Variants in EPS8 observed in about 807,000 individuals in gnomAD.
The protein encoded by EPS8 is EGFR pathway substrate 8, signaling adaptor, also known as epidermal growth factor receptor kinase substrate 8.
EPS8 carries 42 observed loss-of-function variants against 103.8 expected under a neutral mutation model. The ratio of observed to expected loss-of-function variants is 0.40; its 90% CI spans 0.32 to 0.52. EPS8 has a LOEUF of 0.52. EPS8 is among the 20% of genes least tolerant of loss of function. EPS8 has a pLI of 0.40. For synonymous variants in EPS8, 344 were observed against 344.6 expected (o/e 1.00, Z 0.02); for missense variants, 969 against 1,005.1 (o/e 0.96, Z 0.49).
At position 15,777,353 on chromosome 12, in the gene EPS8, C is replaced by G. The variant is rs1160734667; in HGVS notation, c.-22+11808G>C. On this transcript the variant is annotated intron_variant, in intron 1 of 20. Coordinates refer to ENST00000281172, the MANE Select transcript of EPS8 (RefSeq NM_004447.6). This position sits in a 1 kb window ranked among gnomAD's most constrained non-coding sequence, Gnocchi z 4.7. ...AATATATGACCAAAACCACAGTGGA[C>G]CTTTCTAATCAGTATAAAAACTGAA... Among the ~76,000 whole-genome samples, 2 of 151,986 alleles carry G rather than the reference C, an allele frequency of 1.3e-5. No homozygotes were observed. The highest frequency in any genetic ancestry group is 4.8e-5 in the African/African-American group (2 of 41,374).
chr12:15,780,497 C>CACACACAG lies in EPS8; in HGVS notation c.-22+8663_-22+8664insCTGTGTGT. 1 of 151,608 alleles carries CACACACAG rather than the reference C, an allele frequency of 6.6e-6. No homozygotes were observed. Among genetic ancestry groups the CACACACAG allele is most frequent in the East Asian group, 1.9e-4 (1 of 5,160 alleles). 9.4% of individuals were successfully genotyped at this position (151,608 alleles called of 1,614,324 possible). ...GCTGGGATAAACACACACACACACA[C>CACACACAG]ACACACACACACACACACACACACA... On this transcript the variant is annotated intron_variant, in intron 1 of 20. Coordinates refer to ENST00000281172, the MANE Select transcript of EPS8 (RefSeq NM_004447.6). This position sits in a 1 kb window ranked among gnomAD's most constrained non-coding sequence, Gnocchi z 4.1.
intron 1 of EPS8, among the ~76,000 whole-genome samples, chr12:15,755,640 T>C (rs895317358): frequency 2.6e-5 from 4 of 152,222 alleles, no homozygotes; most frequent in African/African-American, 7.2e-5. Context: ...GATCTCTTTC[T>C]ATGGGTTCCC....
rs752774580 is a variant in EPS8 at position 15,647,220 on chromosome 12, G to A, written c.1475C>T (p.Ala492Val). 10 of 1,613,540 alleles carry A rather than the reference G, an allele frequency of 6.2e-6. No homozygotes were observed. Among genetic ancestry groups the A allele is most frequent in the Non-Finnish European group, 7.6e-6 (9 of 1,179,612 alleles). ...VSEYHPADGY[A>V]FSSNIYTRGS... Reference sequence around the variant, plus strand: ...TCTTGTGTAAATGTTGCTACTGAACGCATAGCCATCGGCTGGATGATACTC... The same window carrying A: ...TCTTGTGTAAATGTTGCTACTGAACACATAGCCATCGGCTGGATGATACTC... Residue 492 changes from alanine to valine, a missense_variant, in exon 15 of 21, where the codon GCG becomes GTG. Physicochemically the swap from Ala to Val is moderately conservative, Grantham distance 64. Transcript: ENST00000281172.
chr12:15,732,038 G>T (rs533822158), intron 1 of EPS8, among the ~76,000 whole-genome samples: 3 of 152,254 alleles, frequency 2.0e-5, no homozygotes, highest in African/African-American at 4.8e-5. Flanking sequence ...CCTGAGAGTA[G>T]GTAAGTCTAA....
rs1308781497 is a variant in EPS8 at position 15,721,778 on chromosome 12, C to T, written c.-21-38806G>A. ...ACAGGATTTCTAGTGTTTCATTCAG[C>T]ACCAAATATCAGACTTTTTAAAATT... is the stretch of plus-strand genomic sequence containing the variant. On this transcript the variant is annotated intron_variant, in intron 1 of 20. Coordinates refer to ENST00000281172, the MANE Select transcript of EPS8 (RefSeq NM_004447.6). The surrounding 1 kb of genome is among the most constrained non-coding windows in gnomAD (Gnocchi z 4.4). 2.0e-5 allele frequency among the ~76,000 whole-genome samples: 3 copies of T among 151,882 alleles called. No individual in the cohort carries two copies. Among genetic ancestry groups the T allele is most frequent in the Non-Finnish European group, 4.4e-5 (3 of 67,972 alleles).
chr12:15,630,227 T>G (rs201188189), intron 18 of EPS8, among the ~76,000 whole-genome samples: 1 of 71,120 alleles, frequency 1.4e-5, no homozygotes, highest in Non-Finnish European at 3.6e-5. Context: ...CACACACACA[T>G]ACACACACAC....
chr12:15,737,614 CATTAA>C (rs1391105220), intron 1 of EPS8, among the ~76,000 whole-genome samples: 1 of 152,088 alleles, frequency 6.6e-6, no homozygotes, highest in Non-Finnish European at 1.5e-5. Context: ...GGCATGAAGA[CATTAA>C]ATTATTTGCC....
intron 1 of EPS8, among the ~76,000 whole-genome samples, chr12:15,756,750 T>A (rs1470593712): frequency 6.6e-6 from 1 of 152,202 alleles, no homozygotes; most frequent in Non-Finnish European, 1.5e-5. Flanking sequence ...ATTTGGAACA[T>A]GACAGATCTA....
chr12:15,678,043 G>T (rs1945939987), intron 3 of EPS8, among the ~76,000 whole-genome samples: 1 of 152,052 alleles, frequency 6.6e-6, no homozygotes, highest in East Asian at 1.9e-4. Context: ...TTTTTCCCAT[G>T]TGGCCGGATC....
At chr12:15,723,588 T>C (rs1946622197) in intron 1 of EPS8, among the ~76,000 whole-genome samples, 1 of 152,172 alleles carries the variant, frequency 6.6e-6, no homozygotes, top group South Asian at 2.1e-4. Context: ...CACTGTCAAG[T>C]TCTAATTTAA....
In EPS8 at chr12:15,658,057, T is replaced by C. The variant is rs780745853; in HGVS notation, c.1101+22A>G. The C allele has an allele frequency of 3.5e-6, 5 of 1,446,774 alleles. No homozygotes were observed. In the East Asian group the frequency reaches 9.1e-5, roughly 26 times the overall value. The allele number at this position is 1,446,774 out of a possible 1,614,324, so 89.6% of individuals were successfully genotyped here. A position where few individuals can be genotyped will look rare whatever the true frequency, so the allele number is the denominator to read the frequency against. ...AAAAAATATACTAAGAACGATTCTT[T>C]CTTAAACTAATAAAATCTCACCATA... On this transcript the variant is annotated intron_variant, in intron 12 of 20. Coordinates refer to ENST00000281172, the MANE Select transcript of EPS8 (RefSeq NM_004447.6).
At chr12:15,707,750 G>C (rs1320462374) in intron 1 of EPS8, among the ~76,000 whole-genome samples, 1 of 152,002 alleles carries the variant, frequency 6.6e-6, no homozygotes, top group Admixed American at 6.6e-5. Context: ...ATTTGATTAG[G>C]CTTTATGTAC....
chr12:15,734,014 A>AT lies in EPS8; in HGVS notation c.-21-51043dup, dbSNP rs2135997256. ...AGTGAGACCCTCAGCTAATTTTTGT[A>AT]TTTTTTGTAGAGAAAGGGTCTCTCC... On this transcript the variant is annotated intron_variant, in intron 1 of 20. Coordinates refer to ENST00000281172, the MANE Select transcript of EPS8 (RefSeq NM_004447.6). The surrounding 1 kb of genome is among the most constrained non-coding windows in gnomAD (Gnocchi z 4.1). Among the ~76,000 whole-genome samples, 1 of 151,980 alleles carries AT rather than the reference A, an allele frequency of 6.6e-6. No homozygotes were observed. Among genetic ancestry groups the AT allele is most frequent in the African/African-American group, 2.4e-5 (1 of 41,454 alleles).
chr12:15,707,605 G>A lies in EPS8; in HGVS notation c.-21-24633C>T, dbSNP rs192863438. 1.6e-4 allele frequency among the ~76,000 whole-genome samples: 24 copies of A among 150,932 alleles called. No individual in the cohort carries two copies. The East Asian group carries it at 2.5e-3, about 16-fold the overall frequency. ...AAAACAAATACAAATAAATCCTTCC[G>A]AAGTCTTCCTCTGGTATCGCCTTGC... On this transcript the variant is annotated intron_variant, in intron 1 of 20. Transcript: ENST00000281172.
Position 15,623,302 on chromosome 12 carries a change from AGG to A in EPS8, c.2226-17_2226-16del. The A allele has an allele frequency of 1.3e-6, 2 of 1,552,360 alleles. No individual in the cohort carries two copies. Among genetic ancestry groups the A allele is most frequent in the Non-Finnish European group, 1.7e-6 (2 of 1,148,372 alleles). On this transcript the variant is annotated splice_polypyrimidine_tract_variant and intron_variant, in intron 19 of 20. Coordinates refer to ENST00000281172, the MANE Select transcript of EPS8 (RefSeq NM_004447.6). ...TATTGACAGTCCTAAAAAAAAAAAAAGGAAAAAGAAACTGAGCATTAAAAATA... is the reference window on the plus strand; with the variant it reads ...TATTGACAGTCCTAAAAAAAAAAAAAAAAAAGAAACTGAGCATTAAAAATA...
intron 1 of EPS8, among the ~76,000 whole-genome samples, chr12:15,775,687 G>C (rs1269255251): frequency 6.6e-6 from 1 of 152,046 alleles, no homozygotes; most frequent in East Asian, 1.9e-4. Context: ...AAGTTTTTAT[G>C]CTTCTTTTCA....
At position 15,778,301 on chromosome 12, in the gene EPS8, C is replaced by T. The variant is rs535921942; in HGVS notation, c.-22+10860G>A. Among the ~76,000 whole-genome samples, 3 of 152,298 alleles carry T rather than the reference C, an allele frequency of 2.0e-5. No individual in the cohort carries two copies. The East Asian group carries it at 5.8e-4, about 29-fold the overall frequency. ...CATACGCATTAATCCCACACCTTTG[C>T]ATGCATGAGTATCATGTGAATAATG... On this transcript the variant is annotated intron_variant, in intron 1 of 20. Transcript: ENST00000281172. The surrounding 1 kb of genome is among the most constrained non-coding windows in gnomAD (Gnocchi z 4.5).
rs1055451412 is a variant in EPS8 at position 15,635,846 on chromosome 12, C to G, written c.1822-4182G>C. Among the ~76,000 whole-genome samples, 28 of 152,000 alleles carry G rather than the reference C, an allele frequency of 1.8e-4. 1 individual carries two copies. Among genetic ancestry groups the G allele is most frequent in the Non-Finnish European group, 1.0e-4 (7 of 68,012 alleles). ...CAGTATCATATTACAGTATCTCTTG[C>G]TAGACAATAAAGAATATGGGAAACG... On this transcript the variant is annotated intron_variant, in intron 17 of 20. Coordinates refer to ENST00000281172, the MANE Select transcript of EPS8 (RefSeq NM_004447.6).
At chr12:15,676,893 C>T (rs1269495232) in intron 3 of EPS8, among the ~76,000 whole-genome samples, 1 of 152,110 alleles carries the variant, frequency 6.6e-6, no homozygotes, top group Non-Finnish European at 1.5e-5. Context: ...CATATTTTCA[C>T]CATTTTCCTT....
Sources: gnomAD v4.1 joint callset for allele counts (sites outside exome capture counted in the v4.1 genomes callset) on GRCh38, gnomAD v4.1.1 for gene constraint, Gnocchi (gnomAD v3.1) non-coding constraint, MANE v1.5 for transcripts, NCBI Gene and HGNC (gene_info 2026-07-23, HGNC 2026-07-21) for gene names.